Variants in WDR7 observed in about 807,000 individuals in gnomAD.
The protein encoded by WDR7 is WD repeat-containing protein 7.
A neutral mutation model predicts 169.4 loss-of-function variants in WDR7; 46 were observed. That is an observed-to-expected ratio of 0.27 (90% CI 0.21 to 0.35). The LOEUF (loss-of-function observed/expected upper bound fraction) is 0.35. Among genes scored for constraint, WDR7 ranks in the 10% least tolerant of loss-of-function variants. The pLI, the probability that WDR7 is intolerant of heterozygous loss-of-function variation, is 1.00. For missense variants in WDR7, 1,534 were observed against 1,859.3 expected, an observed-to-expected ratio of 0.83 and a Z score of 3.22; for synonymous variants, 612 against 666.8, an observed-to-expected ratio of 0.92 and a Z score of 1.27.
chr18:56,895,215 T>C (rs1462723971), intron 21 of WDR7, among the ~76,000 whole-genome samples: 1 of 151,944 alleles, frequency 6.6e-6, no homozygotes. Context: ...CATATGTCAA[T>C]CAGCAAGATA....
chr18:56,973,921 T>C (rs992395451), intron 26 of WDR7, among the ~76,000 whole-genome samples: 1 of 152,206 alleles, frequency 6.6e-6, no homozygotes, highest in Non-Finnish European at 1.5e-5. Flanking sequence ...TGTAGGATCA[T>C]ATAAAATGAT....
intron 25 of WDR7, among the ~76,000 whole-genome samples, chr18:56,951,930 T>A (rs1387326832): frequency 6.6e-6 from 1 of 152,212 alleles, no homozygotes; most frequent in Non-Finnish European, 1.5e-5. Context: ...TGAGAAATTT[T>A]AAAATTATTT....
intron 19 of WDR7, among the ~76,000 whole-genome samples, chr18:56,793,929 T>C (rs75965720): frequency 9.2e-4 from 140 of 152,320 alleles, no homozygotes; most frequent in African/African-American, 3.3e-3. Flanking sequence ...AGAGAAATTG[T>C]ATTAACCTTT....
intron 13 of WDR7, among the ~76,000 whole-genome samples, chr18:56,719,999 C>G (rs2026285102): frequency 6.6e-6 from 1 of 152,052 alleles, no homozygotes; most frequent in African/African-American, 2.4e-5. Context: ...CTATTTCCTA[C>G]TACTGTTATT....
chr18:56,934,765 T>C (rs1252041684), intron 22 of WDR7, among the ~76,000 whole-genome samples: 2 of 152,144 alleles, frequency 1.3e-5, no homozygotes, highest in Non-Finnish European at 2.9e-5. Flanking sequence ...GTAAACACAA[T>C]CCAGTTTACA....
At chr18:56,784,917 G>GT (rs201040305) in intron 19 of WDR7, among the ~76,000 whole-genome samples, 11,363 of 143,850 alleles carry the variant, frequency 0.079, 500 homozygotes, top group East Asian at 0.19. Context: ...TATTGTTGTT[G>GT]TTTTTTTTTT....
chr18:56,898,986 G>C (rs2046366795), intron 21 of WDR7, among the ~76,000 whole-genome samples: 1 of 152,034 alleles, frequency 6.6e-6, no homozygotes, highest in Admixed American at 6.6e-5. Context: ...TTCTTAAAAA[G>C]CGGTTCTTCC....
intron 26 of WDR7, among the ~76,000 whole-genome samples, chr18:56,986,058 T>C (rs530689351): frequency 6.6e-6 from 1 of 151,892 alleles, no homozygotes; most frequent in East Asian, 1.9e-4. Context: ...TAGAACAAAA[T>C]TTTCTTTAAC....
intron 21 of WDR7, among the ~76,000 whole-genome samples, chr18:56,897,549 A>C (rs2046346661): frequency 6.6e-6 from 1 of 152,036 alleles, no homozygotes; most frequent in African/African-American, 2.4e-5. Context: ...ATTACTCTAA[A>C]GGGTGCTAAG....
chr18:56,734,425 T>C (rs1210070194), intron 14 of WDR7, among the ~76,000 whole-genome samples: 2 of 151,814 alleles, frequency 1.3e-5, no homozygotes, highest in South Asian at 2.1e-4. Context: ...ATGCTGGTAG[T>C]AGCCTCCTCT....
intron 26 of WDR7, among the ~76,000 whole-genome samples, chr18:56,996,449 A>G (rs189430990): frequency 6.6e-6 from 1 of 152,356 alleles, no homozygotes; most frequent in East Asian, 1.9e-4. Context: ...TCAGAAAGAT[A>G]AAACAGTATT....
intron 1 of WDR7, among the ~76,000 whole-genome samples, chr18:56,667,824 C>T (rs892029287): frequency 6.6e-6 from 1 of 152,086 alleles, no homozygotes; most frequent in Non-Finnish European, 1.5e-5. Flanking sequence ...TAGTACTATT[C>T]TCACCATGAA....
At chr18:56,746,842 G>A (rs185672834) in intron 14 of WDR7, among the ~76,000 whole-genome samples, 113 of 152,074 alleles carry the variant, frequency 7.4e-4, no homozygotes, top group African/African-American at 2.6e-3. Context: ...AGTATTTTTA[G>A]CACCATCCCT....
At chr18:56,744,617 A>G (rs2043674858) in intron 14 of WDR7, among the ~76,000 whole-genome samples, 1 of 152,178 alleles carries the variant, frequency 6.6e-6, no homozygotes, top group South Asian at 2.1e-4. Context: ...TGTGGAATCC[A>G]GGGCCTGAAT....
chr18:56,793,413 T>G (rs2145125306), intron 19 of WDR7, among the ~76,000 whole-genome samples: 1 of 152,348 alleles, frequency 6.6e-6, no homozygotes, highest in South Asian at 2.1e-4. Context: ...TGGATGAAGT[T>G]AAATCTGTTA....
intron 26 of WDR7, among the ~76,000 whole-genome samples, chr18:56,979,762 A>C (rs1404609602): frequency 1.3e-5 from 2 of 150,018 alleles, no homozygotes; most frequent in Non-Finnish European, 2.9e-5. Flanking sequence ...CTATTTAATT[A>C]TTATGAGGCA....
At chr18:56,656,834 C>G (rs2024787211) in intron 1 of WDR7, among the ~76,000 whole-genome samples, 1 of 152,036 alleles carries the variant, frequency 6.6e-6, no homozygotes, top group African/African-American at 2.4e-5. Context: ...AAATTGATAT[C>G]TTTATAATAT....
At chr18:56,887,702 A>G (rs1175665818) in intron 21 of WDR7, among the ~76,000 whole-genome samples, 1 of 151,226 alleles carries the variant, frequency 6.6e-6, no homozygotes, top group East Asian at 1.9e-4. Flanking sequence ...AAGTTCCTTG[A>G]TGGTAATTTT....
chr18:56,894,437 C>G (rs1178397567), intron 21 of WDR7, among the ~76,000 whole-genome samples: 1 of 152,040 alleles, frequency 6.6e-6, no homozygotes, highest in Admixed American at 6.6e-5. Flanking sequence ...TGCTGGGACA[C>G]TCTTTCCCCC....
Sources: allele counts gnomAD v4.1 joint callset (sites outside exome capture counted in the v4.1 genomes callset), GRCh38; gene constraint gnomAD v4.1.1; transcripts MANE v1.5; gene names NCBI Gene and HGNC (gene_info 2026-07-23, HGNC 2026-07-21).